Variants in NUP93 observed in about 807,000 individuals in gnomAD.
NUP93 encodes the protein nucleoporin 93.
A neutral mutation model predicts 107.8 loss-of-function variants in NUP93; 55 were observed. That is an observed-to-expected ratio of 0.51 (90% CI 0.41 to 0.64). The LOEUF is 0.64. Ranked by LOEUF, NUP93 falls within the 30% of genes least tolerant of loss-of-function variation. The probability of loss-of-function intolerance (pLI) is 0.00; values close to 1 mark genes in which losing one functional copy is unlikely to be tolerated. For synonymous variants in NUP93, 390 were observed against 397.5 expected (o/e 0.98, Z 0.22); for missense variants, 937 against 1,044.7 (o/e 0.90, Z 1.42).
chr16:56,826,675 C>T (rs746554756), intron 8 of NUP93, among the ~76,000 whole-genome samples: 1 of 152,086 alleles, frequency 6.6e-6, no homozygotes, highest in African/African-American at 2.4e-5. Flanking sequence ...CGTATACCAT[C>T]TAGAGGCTCC....
Position 56,820,373 on chromosome 16 carries a change from G to A in NUP93, c.565-1131G>A, listed in dbSNP as rs190820822. 4.2e-3 allele frequency among the ~76,000 whole-genome samples: 647 copies of A among 152,284 alleles called. 2 individuals are homozygous for A. The highest frequency in any genetic ancestry group is 5.0e-3 in the Non-Finnish European group (337 of 68,024). On this transcript the variant is annotated intron_variant, in intron 6 of 21. Coordinates refer to ENST00000308159, the MANE Select transcript of NUP93 (RefSeq NM_014669.5). ...CACCCAGGCTGGAGTGCAGTGGTGC[G>A]ATCTCAGCTCACTGAAGCCTCCACC...
chr16:56,799,327 G>A (rs574872327), intron 4 of NUP93, among the ~76,000 whole-genome samples: 4 of 152,250 alleles, frequency 2.6e-5, no homozygotes, highest in African/African-American at 9.6e-5. Flanking sequence ...AAATAAGTCC[G>A]CCAAAGACCA....
At chr16:56,755,503 G>A (rs1428746566) in intron 2 of NUP93, among the ~76,000 whole-genome samples, 2 of 152,086 alleles carry the variant, frequency 1.3e-5, no homozygotes, top group Admixed American at 1.3e-4. Flanking sequence ...TATTGGTCAG[G>A]GGTTGCTTTT....
At chr16:56,757,390 G>A (rs1452258887) in intron 2 of NUP93, among the ~76,000 whole-genome samples, 1 of 152,122 alleles carries the variant, frequency 6.6e-6, no homozygotes, top group Non-Finnish European at 1.5e-5. Flanking sequence ...TGAGGCAGGA[G>A]GATCGCTTGG....
intron 3 of NUP93, among the ~76,000 whole-genome samples, chr16:56,774,129 G>A (rs139320611): frequency 6.6e-6 from 1 of 152,284 alleles, no homozygotes; most frequent in Non-Finnish European, 1.5e-5. Context: ...ATGGGAAAGG[G>A]AAGTGGGAGG....
intron 3 of NUP93, among the ~76,000 whole-genome samples, chr16:56,788,733 A>C (rs1962684858): frequency 6.6e-6 from 1 of 152,204 alleles, no homozygotes; most frequent in East Asian, 1.9e-4. Flanking sequence ...CTTCCTCCCC[A>C]AGTGCAGCAA....
intron 8 of NUP93, among the ~76,000 whole-genome samples, chr16:56,828,064 G>A (rs1963704404): frequency 1.3e-5 from 2 of 152,106 alleles, no homozygotes; most frequent in South Asian, 4.1e-4. Flanking sequence ...AGAGGTTGCA[G>A]TGAGCCAAGA....
intron 3 of NUP93, among the ~76,000 whole-genome samples, chr16:56,794,082 GTAGGTAGGTAGA>G (rs202089872): frequency 0.027 from 3,694 of 136,516 alleles, 69 homozygotes; most frequent in East Asian, 0.081. Context: ...AGGTAGGTAG[GTAGGTAGGTAGA>G]TAGATAGATA....
intron 4 of NUP93, among the ~76,000 whole-genome samples, chr16:56,804,766 C>T (rs576161905): frequency 2.0e-5 from 3 of 151,882 alleles, no homozygotes; most frequent in Non-Finnish European, 2.9e-5. Context: ...ATTAGCTAGG[C>T]GTGGTGGTGG....
intron 8 of NUP93, among the ~76,000 whole-genome samples, chr16:56,827,044 C>CAAAAAAAAAAAAAAAAAAA (rs1188027635): frequency 2.8e-4 from 15 of 53,610 alleles, no homozygotes; most frequent in African/African-American, 7.7e-4. Flanking sequence ...GACTCCGTCT[C>CAAAAAAAAAAAAAAAAAAA]AAAAAAAAAA....
rs529189709 is a variant in NUP93 at position 56,801,768 on chromosome 16, A to G, written c.360+3230A>G. Among the ~76,000 whole-genome samples, 4 of 152,346 alleles carry G rather than the reference A, an allele frequency of 2.6e-5. No homozygotes were observed. In the South Asian group the frequency reaches 6.2e-4, roughly 24 times the overall value. On this transcript the variant is annotated intron_variant, in intron 4 of 21. Transcript: ENST00000308159. ...GGTGTTTCTAAATGAGTAGCCTGGC[A>G]TACTTTCAGATATATCTGAGGATTT...
chr16:56,837,571 T>C, intron 17 of NUP93, 37 bp from the exon 18 acceptor site: 1 of 1,501,238 alleles, frequency 6.7e-7, no homozygotes, highest in Non-Finnish European at 9.3e-7. Context: ...ATTGATTACT[T>C]TATTGATTGC....
At chr16:56,831,176 G>A (rs1963777434) in intron 10 of NUP93, among the ~76,000 whole-genome samples, 1 of 152,124 alleles carries the variant, frequency 6.6e-6, no homozygotes, top group African/African-American at 2.4e-5. Flanking sequence ...TTGCATTAAG[G>A]AACTGCTAAG....
At chr16:56,797,480 C>T (rs1028989619) in intron 3 of NUP93, among the ~76,000 whole-genome samples, 86 of 152,220 alleles carry the variant, frequency 5.6e-4, no homozygotes, top group African/African-American at 1.9e-3. Context: ...AAGGTGTTGG[C>T]GGGGAAGTGC....
chr16:56,822,514 CAAAAAAA>C (rs751717930), intron 7 of NUP93, among the ~76,000 whole-genome samples: 1 of 92,040 alleles, frequency 1.1e-5, no homozygotes, highest in African/African-American at 4.1e-5. Flanking sequence ...GGCCCTGTCT[CAAAAAAA>C]AAAAAAAAAG....
intron 10 of NUP93, among the ~76,000 whole-genome samples, chr16:56,831,221 G>A (rs1280210594): frequency 1.3e-5 from 2 of 152,142 alleles, no homozygotes; most frequent in Non-Finnish European, 2.9e-5. Flanking sequence ...AATGTAATTG[G>A]ACTTAAGCTC....
At chr16:56,835,544 G>C (rs146389243) in intron 16 of NUP93, among the ~76,000 whole-genome samples, 1 of 152,180 alleles carries the variant, frequency 6.6e-6, no homozygotes, top group Non-Finnish European at 1.5e-5. Flanking sequence ...TTCTTTAACA[G>C]GCTGCACTGG....
chr16:56,764,387 G>A (rs1365780363), intron 3 of NUP93, among the ~76,000 whole-genome samples: 1 of 152,160 alleles, frequency 6.6e-6, no homozygotes, highest in Non-Finnish European at 1.5e-5. Context: ...CTACTCAGGA[G>A]GTTAAGACAG....
At chr16:56,732,546 G>A (rs1026715012) in intron 1 of NUP93, among the ~76,000 whole-genome samples, 1 of 152,230 alleles carries the variant, frequency 6.6e-6, no homozygotes, top group Admixed American at 6.5e-5. Context: ...TGAGAGCATT[G>A]CTGGTAGTGG....
Sources: allele counts gnomAD v4.1 joint callset (sites outside exome capture counted in the v4.1 genomes callset), GRCh38; gene constraint gnomAD v4.1.1; transcripts MANE v1.5; gene names NCBI Gene and HGNC (gene_info 2026-07-23, HGNC 2026-07-21).